The following RTRAF variants were observed in gnomAD, a reference collection of about 807,000 sequenced individuals.
RTRAF encodes the protein tRNA-splicing ligase complex subunit RTRAF.
In RTRAF, 14 loss-of-function variants were observed where a neutral mutation model predicts 34.4. That is an observed-to-expected ratio of 0.41 (90% CI 0.27 to 0.64). The LOEUF (loss-of-function observed/expected upper bound fraction) is 0.64. Among genes scored for constraint, RTRAF ranks in the 30% least tolerant of loss-of-function variants. The pLI, the probability that RTRAF is intolerant of heterozygous loss-of-function variation, is 0.34. For missense variants in RTRAF, 291 were observed against 288.4 expected (o/e 1.01, Z -0.06); for synonymous variants, 96 against 95.3 (o/e 1.01, Z -0.04).
chr14:51,999,134 T>A (rs935895749), intron 4 of RTRAF, among the ~76,000 whole-genome samples: 3 of 152,006 alleles, frequency 2.0e-5, no homozygotes, highest in African/African-American at 7.2e-5. Flanking sequence ...GGGATCTATG[T>A]ACTAAAATTA....
intron 1 of RTRAF, 92 bp from the exon 2 acceptor site, chr14:51,991,225 A>G: frequency 7.4e-7 from 1 of 1,348,804 alleles, no homozygotes; most frequent in South Asian, 1.3e-5. Flanking sequence ...AAGTTAAGAA[A>G]ATTCCACAAG....
intron 4 of RTRAF, 25 bp downstream of exon 4, chr14:51,998,605 G>T: frequency 7.0e-7 from 1 of 1,433,684 alleles, no homozygotes; most frequent in South Asian, 1.3e-5. Context: ...GCATAACATT[G>T]AACATCAACA....
At position 51,995,228 on chromosome 14, in the gene RTRAF, A is replaced by G. The variant is rs188608909; in HGVS notation, c.286+1406A>G. ...ATTATTTTAGAATGAGAAGGCCAAC[A>G]TTAGCCTCACTGGGTTCATGTCAAG... is the stretch of plus-strand genomic sequence containing the variant. On this transcript the variant is annotated intron_variant, in intron 3 of 7. Transcript: ENST00000261700. Among the ~76,000 whole-genome samples the G allele has an allele frequency of 3.9e-5, 6 of 151,926 alleles. No homozygotes were observed. In the East Asian group the frequency reaches 1.2e-3, roughly 30 times the overall value.
In RTRAF at chr14:52,007,654, C is replaced by T; in HGVS notation, c.*3138C>T. ...AAACCCCAGAAAGTTCATTTTAAGA[C>T]TCATTTACTAGTACTTAAATTTACT... is the stretch of plus-strand genomic sequence containing the variant. On this transcript the variant is annotated 3_prime_UTR_variant, in exon 8 of 8. Coordinates refer to ENST00000261700, the MANE Select transcript of RTRAF (RefSeq NM_016039.3). The T allele has an allele frequency of 2.8e-6, 2 of 707,832 alleles. No homozygotes were observed. Among genetic ancestry groups the T allele is most frequent in the Non-Finnish European group, 4.8e-6 (2 of 416,086 alleles). The allele number at this position is 707,832 out of a possible 1,614,324, so 43.8% of individuals were successfully genotyped here.
intron 5 of RTRAF, among the ~76,000 whole-genome samples, chr14:52,000,367 A>C: frequency 6.6e-6 from 1 of 152,176 alleles, no homozygotes; most frequent in East Asian, 1.9e-4. Context: ...GAATCCCAGT[A>C]ATCTGAAAGA....
chr14:51,990,087 G>A (rs777282874), intron 1 of RTRAF, among the ~76,000 whole-genome samples: 14 of 152,178 alleles, frequency 9.2e-5, no homozygotes, highest in Non-Finnish European at 1.8e-4. Flanking sequence ...TCTGAGGAAG[G>A]TGCTGAGTAA....
chr14:51,993,156 C>T (rs1890461976), intron 2 of RTRAF, among the ~76,000 whole-genome samples: 2 of 152,024 alleles, frequency 1.3e-5, no homozygotes, highest in African/African-American at 4.8e-5. Context: ...CAGTTATTAT[C>T]CTTCAAGTTG....
At chr14:51,991,031 A>G (rs544624341) in intron 1 of RTRAF, among the ~76,000 whole-genome samples, 69 of 152,288 alleles carry the variant, frequency 4.5e-4, no homozygotes, top group African/African-American at 1.4e-3. Flanking sequence ...GGTAAGTTCT[A>G]TTAGCACCCT....
chr14:51,996,806 C>A (rs1012963397), intron 3 of RTRAF, among the ~76,000 whole-genome samples: 3 of 151,940 alleles, frequency 2.0e-5, no homozygotes, highest in Admixed American at 2.0e-4. Context: ...CCACTTCTCT[C>A]GAAAGAAAAA....
rs1219180700 is a variant in RTRAF, at chr14:52,004,193, G to C, written c.532-1G>C. ...CTCATTTTGTCTTTCTTTTTTTAAA[G>C]GGCTTACCTGTTGCTTTAGACAAAC... On this transcript the variant is annotated splice_acceptor_variant, in intron 6 of 7. Coordinates refer to ENST00000261700, the MANE Select transcript of RTRAF (RefSeq NM_016039.3). LOFTEE classifies it high-confidence loss of function. 6.2e-7 allele frequency: 1 copy of C among 1,611,478 alleles called. No homozygotes were observed. The highest frequency in any genetic ancestry group is 2.2e-5 in the East Asian group (1 of 44,840).
rs1890888864 is a variant in RTRAF at position 52,008,685 on chromosome 14, T to G, written c.*4169T>G. On this transcript the variant is annotated 3_prime_UTR_variant, in exon 8 of 8. Coordinates refer to ENST00000261700, the MANE Select transcript of RTRAF (RefSeq NM_016039.3). ...CAACTGCCCCAAAACCCTCCGTTTG[T>G]TGAAGTCTTGAATTGGATCTTGGGT... 6.6e-6 allele frequency: 1 copy of G among 152,230 alleles called. No individual in the cohort carries two copies. Among genetic ancestry groups the G allele is most frequent in the East Asian group, 1.9e-4 (1 of 5,198 alleles). The allele number at this position is 152,230 out of a possible 1,614,324, so 9.4% of individuals were successfully genotyped here. A position where few individuals can be genotyped will look rare whatever the true frequency, so the allele number is the denominator to read the frequency against.
Position 52,006,174 on chromosome 14 carries a change from A to G in RTRAF, c.*1658A>G, listed in dbSNP as rs759456926. On this transcript the variant is annotated 3_prime_UTR_variant, in exon 8 of 8. Coordinates refer to ENST00000261700, the MANE Select transcript of RTRAF (RefSeq NM_016039.3). The stretch of plus-strand genomic sequence containing the variant: ...TCGGTCCCTCAGACAATATGTCCAC[A>G]GTGTCAAAAGCCAACTTAAGCCCTG... 1 of 403,124 alleles carries G rather than the reference A, an allele frequency of 2.5e-6. No individual in the cohort carries two copies. The highest frequency in any genetic ancestry group is 4.6e-6 in the Non-Finnish European group (1 of 216,254). The allele number at this position is 403,124 out of a possible 1,614,324, so 25.0% of individuals were successfully genotyped here.
At chr14:52,001,184 G>C (rs932202964) in intron 5 of RTRAF, among the ~76,000 whole-genome samples, 40 of 152,088 alleles carry the variant, frequency 2.6e-4, no homozygotes, top group African/African-American at 9.7e-4. Context: ...ACTTATTTTT[G>C]AGTTGTAATT....
chr14:51,993,822 G>A lies in RTRAF; in HGVS notation c.286G>A (p.Ala96Thr). 1 of 1,535,428 alleles carries A rather than the reference G, an allele frequency of 6.5e-7. No individual in the cohort carries two copies. The highest frequency in any genetic ancestry group is 1.2e-5 in the South Asian group (1 of 85,246). ...LAVRLEYGDNAEKYKDLVPDN... is the reference protein window; with the variant it reads ...LAVRLEYGDNTEKYKDLVPDN... ...TGTTAGACTTGAATATGGAGATAAT[G>A]GTACGTTTTGTGGGGAATGTGTATT... Residue 96 changes from alanine to threonine, a missense_variant and splice_region_variant, in exon 3 of 8, where the codon GCT becomes ACT. Coordinates refer to ENST00000261700, the MANE Select transcript of RTRAF (RefSeq NM_016039.3).
chr14:52,004,465 A>G lies in RTRAF; in HGVS notation c.684A>G (p.Ala228=). 2 of 1,614,004 alleles carry G rather than the reference A, an allele frequency of 1.2e-6. No individual in the cohort carries two copies. Among genetic ancestry groups the G allele is most frequent in the Non-Finnish European group, 1.7e-6 (2 of 1,179,920 alleles). ...ACGAAGCCATAGTAGCTGTTCAGGCAATTATTGCTGATCCAAAGACAGACC... is the reference window on the plus strand; with the variant it reads ...ACGAAGCCATAGTAGCTGTTCAGGCGATTATTGCTGATCCAAAGACAGACC... ...KINEAIVAVQ[A]IIADPKTDHR... Residue 228 remains alanine, a synonymous_variant, in exon 8 of 8, where the codon GCA becomes GCG. Coordinates refer to ENST00000261700, the MANE Select transcript of RTRAF (RefSeq NM_016039.3).
chr14:52,009,814 C>T lies in RTRAF; in HGVS notation c.*5298C>T, dbSNP rs1890936862. The T allele has an allele frequency of 6.6e-6, 1 of 152,296 alleles. No homozygotes were observed. Among genetic ancestry groups the T allele is most frequent in the Admixed American group, 6.5e-5 (1 of 15,272 alleles). 9.4% of individuals were successfully genotyped at this position (152,296 alleles called of 1,614,324 possible). A position where few individuals can be genotyped will look rare whatever the true frequency, so the allele number is the denominator to read the frequency against. On this transcript the variant is annotated 3_prime_UTR_variant, in exon 8 of 8. Transcript: ENST00000261700. ...AGTTGGAGACCAAAATGGCGAAACC[C>T]TGTCTCGACTAAAAATACAAAAATT...
chr14:51,989,781 C>G, intron 1 of RTRAF, 81 bp downstream of exon 1: 1 of 1,398,978 alleles, frequency 7.1e-7, no homozygotes, highest in Non-Finnish European at 9.7e-7. Context: ...CCCACCTCCC[C>G]GTCGGGACCC....
Position 52,006,112 on chromosome 14 carries a change from C to T in RTRAF, c.*1596C>T. The stretch of plus-strand genomic sequence containing the variant: ...AAAGGGCTTAGACTTTAATGTTCCA[C>T]AGTTCCTCATTTGAGAACTAGTCTA... On this transcript the variant is annotated 3_prime_UTR_variant, in exon 8 of 8. Transcript: ENST00000261700. The T allele has an allele frequency of 4.2e-6, 2 of 474,302 alleles. No individual in the cohort carries two copies. Among genetic ancestry groups the T allele is most frequent in the Admixed American group, 3.3e-5 (1 of 30,296 alleles). 29.4% of individuals were successfully genotyped at this position (474,302 alleles called of 1,614,324 possible). A position where few individuals can be genotyped will look rare whatever the true frequency, so the allele number is the denominator to read the frequency against.
Position 52,006,406 on chromosome 14 carries a change from G to A in RTRAF, c.*1890G>A, listed in dbSNP as rs1231400341. 9 of 906,378 alleles carry A rather than the reference G, an allele frequency of 9.9e-6. No individual in the cohort carries two copies. Among genetic ancestry groups the A allele is most frequent in the Non-Finnish European group, 1.5e-5 (9 of 586,076 alleles). The allele number at this position is 906,378 out of a possible 1,614,324, so 56.1% of individuals were successfully genotyped here. ...TCCTTGAAGGATCTTATCTGCCAATGAGGAGGTGATGAAACAAAAGCCTCA... is the reference window on the plus strand; with the variant it reads ...TCCTTGAAGGATCTTATCTGCCAATAAGGAGGTGATGAAACAAAAGCCTCA... On this transcript the variant is annotated 3_prime_UTR_variant, in exon 8 of 8. Coordinates refer to ENST00000261700, the MANE Select transcript of RTRAF (RefSeq NM_016039.3).
Sources: allele counts gnomAD v4.1 joint callset (sites outside exome capture counted in the v4.1 genomes callset), GRCh38; gene constraint gnomAD v4.1.1; transcripts MANE v1.5; gene names NCBI Gene and HGNC (gene_info 2026-07-23, HGNC 2026-07-21).